The following ANGPT2 variants were observed in gnomAD, a reference collection of about 807,000 sequenced individuals.
ANGPT2 encodes angiopoietin 2.
A neutral mutation model predicts 62.9 loss-of-function variants in ANGPT2; 28 were observed. The observed-to-expected ratio is 0.44, with a 90% CI of 0.33 to 0.61. The LOEUF (loss-of-function observed/expected upper bound fraction) is 0.61. Among genes scored for constraint, ANGPT2 ranks in the 20% least tolerant of loss-of-function variants. The pLI is 0.03. For missense variants in ANGPT2, 727 were observed against 594.9 expected (o/e 1.22, Z -2.31); for synonymous variants, 284 against 207.8 (o/e 1.37, Z -3.15).
intron 1 of ANGPT2, among the ~76,000 whole-genome samples, chr8:6,540,450 G>C (rs1265715666): frequency 6.6e-6 from 1 of 152,166 alleles, no homozygotes; most frequent in Non-Finnish European, 1.5e-5. Context: ...CATTTTACAC[G>C]AGTGTCTTTT....
At chr8:6,538,516 C>T (rs892045696) in intron 1 of ANGPT2, among the ~76,000 whole-genome samples, 6 of 152,190 alleles carry the variant, frequency 3.9e-5, no homozygotes, top group Admixed American at 3.9e-4. Flanking sequence ...GACTGGCGCC[C>T]CTGATCTTGT....
At chr8:6,532,247 T>G in intron 2 of ANGPT2, 85 bp downstream of exon 2, 1 of 1,504,998 alleles carries the variant, frequency 6.6e-7, no homozygotes, top group Non-Finnish European at 9.1e-7. Flanking sequence ...TAGTTTCTCA[T>G]GCCTTCATTG....
intron 1 of ANGPT2, among the ~76,000 whole-genome samples, chr8:6,555,290 T>C (rs1392234292): frequency 6.6e-6 from 1 of 152,196 alleles, no homozygotes; most frequent in Non-Finnish European, 1.5e-5. Context: ...CACATGGAAC[T>C]TCCCTGAGGC....
intron 1 of ANGPT2, among the ~76,000 whole-genome samples, chr8:6,537,822 TC>T (rs1282842084): frequency 2.0e-5 from 3 of 152,120 alleles, no homozygotes; most frequent in Non-Finnish European, 1.5e-5. Context: ...ATGAAAACTA[TC>T]CCCAACTTGG....
chr8:6,508,675 A>G (rs999184659), intron 8 of ANGPT2: 1 of 593,904 alleles, frequency 1.7e-6, no homozygotes, highest in African/African-American at 1.9e-5. Context: ...AGAATCAAAT[A>G]TCCCCTCTCC....
chr8:6,535,986 G>T (rs1337605403), intron 1 of ANGPT2, among the ~76,000 whole-genome samples: 2 of 152,148 alleles, frequency 1.3e-5, no homozygotes, highest in Admixed American at 1.3e-4. Flanking sequence ...GAGCCCAGGA[G>T]AGCAAGGCTG....
intron 7 of ANGPT2, among the ~76,000 whole-genome samples, chr8:6,509,941 G>A (rs1211148062): frequency 6.6e-6 from 1 of 152,130 alleles, no homozygotes; most frequent in Non-Finnish European, 1.5e-5. Flanking sequence ...AGGGAGCATC[G>A]TGCCACATAT....
chr8:6,544,504 A>G (rs1586528921), intron 1 of ANGPT2, among the ~76,000 whole-genome samples: 3 of 152,204 alleles, frequency 2.0e-5, no homozygotes, highest in African/African-American at 7.2e-5. Flanking sequence ...GTTTTTTACA[A>G]AATACCAGCT....
intron 1 of ANGPT2, among the ~76,000 whole-genome samples, chr8:6,552,854 A>T (rs1170555637): frequency 6.6e-6 from 1 of 151,828 alleles, no homozygotes; most frequent in African/African-American, 2.4e-5. Context: ...GAAAGAAGCC[A>T]GTCCGAAAAG....
chr8:6,552,760 C>T (rs552194071), intron 1 of ANGPT2, among the ~76,000 whole-genome samples: 20 of 151,580 alleles, frequency 1.3e-4, no homozygotes, highest in African/African-American at 4.1e-4. Flanking sequence ...GTGATTGTTT[C>T]GGCCAGTTAA....
At chr8:6,507,614 TC>T (rs1303918013) in intron 8 of ANGPT2, 1 of 146,076 alleles carries the variant, frequency 6.8e-6, no homozygotes, top group Non-Finnish European at 1.5e-5. Context: ...TCTTGCTCTG[TC>T]CCCCAGGCTG....
chr8:6,505,577 T>C (rs1813427690), intron 8 of ANGPT2, among the ~76,000 whole-genome samples: 1 of 119,832 alleles, frequency 8.3e-6, no homozygotes, highest in South Asian at 2.6e-4. Flanking sequence ...ATATAGAATG[T>C]ATATTCTTTT....
intron 1 of ANGPT2, among the ~76,000 whole-genome samples, chr8:6,555,449 CG>C (rs140049089): frequency 1.3e-5 from 2 of 148,284 alleles, no homozygotes; most frequent in African/African-American, 5.1e-5. Flanking sequence ...ATTTGTTTTA[CG>C]GGGGGTGGTT....
chr8:6,506,903 C>CTT (rs1271721262), intron 8 of ANGPT2, among the ~76,000 whole-genome samples: 1 of 143,028 alleles, frequency 7.0e-6, no homozygotes. Flanking sequence ...GTTAATGATG[C>CTT]TTTTTTTTTT....
intron 1 of ANGPT2, among the ~76,000 whole-genome samples, chr8:6,546,180 A>G (rs1259558081): frequency 5.3e-5 from 8 of 152,268 alleles, no homozygotes; most frequent in East Asian, 1.9e-4. Context: ...AGTTAGCACA[A>G]TTCCCAAACT....
chr8:6,535,026 C>T (rs4841224), intron 1 of ANGPT2, among the ~76,000 whole-genome samples: 46,629 of 152,042 alleles, frequency 0.31, 7,243 homozygotes, highest in Middle Eastern at 0.41. Flanking sequence ...AGTTTCATTC[C>T]GGGAGGCTTG....
Position 6,563,064 on chromosome 8 carries a change from C to G in ANGPT2, c.-130G>C, listed in dbSNP as rs1825804186. 6.1e-6 allele frequency: 6 copies of G among 988,426 alleles called. No homozygotes were observed. In the East Asian group the frequency reaches 1.3e-4, roughly 22 times the overall value. 61.2% of individuals were successfully genotyped at this position (988,426 alleles called of 1,614,324 possible). On this transcript the variant is annotated 5_prime_UTR_variant, in exon 1 of 9. Coordinates refer to ENST00000629816, the MANE Select transcript of ANGPT2 (RefSeq NM_001118887.2). ...GGCTGGGTCCGTCAATGAAAGTCTTCTCTTTCCTCTTTTTCCAGTAGCAAA... is the reference window on the plus strand; with the variant it reads ...GGCTGGGTCCGTCAATGAAAGTCTTGTCTTTCCTCTTTTTCCAGTAGCAAA...
intron 5 of ANGPT2, among the ~76,000 whole-genome samples, chr8:6,517,657 C>T (rs1336281291): frequency 3.9e-5 from 6 of 152,134 alleles, no homozygotes; most frequent in Non-Finnish European, 5.9e-5. Context: ...ATTTACTGTC[C>T]CAAGTTCTAC....
At chr8:6,531,261 G>C (rs10503371) in intron 2 of ANGPT2, among the ~76,000 whole-genome samples, 74,692 of 150,290 alleles carry the variant, frequency 0.5, 19,608 homozygotes, top group Non-Finnish European at 0.59. Flanking sequence ...CTATTTTGCT[G>C]TTATTTTACT....
Sources: gnomAD v4.1 joint callset for allele counts (sites outside exome capture counted in the v4.1 genomes callset) on GRCh38, gnomAD v4.1.1 for gene constraint, MANE v1.5 for transcripts, NCBI Gene and HGNC (gene_info 2026-07-23, HGNC 2026-07-21) for gene names.